Variants in ABLIM2 observed in about 807,000 individuals in gnomAD.
ABLIM2 encodes the protein actin-binding LIM protein 2.
In ABLIM2, 53 loss-of-function variants were observed where a neutral mutation model predicts 97.7. The observed-to-expected ratio is 0.54, with a 90% CI of 0.44 to 0.68. The LOEUF (loss-of-function observed/expected upper bound fraction) is 0.68, where lower values mean the gene tolerates loss of function less well. ABLIM2 is among the 30% of genes least tolerant of loss of function. The probability of loss-of-function intolerance (pLI) is 0.00; values close to 1 mark genes in which losing one functional copy is unlikely to be tolerated. For synonymous variants in ABLIM2, 361 were observed against 345.8 expected (o/e 1.04, Z -0.49); for missense variants, 835 against 867.2 (o/e 0.96, Z 0.47).
chr4:8,088,174 A>T lies in ABLIM2; in HGVS notation c.449T>A (p.Leu150His), dbSNP rs1389302487. 1 of 1,505,534 alleles carries T rather than the reference A, an allele frequency of 6.6e-7. No individual in the cohort carries two copies. The highest frequency in any genetic ancestry group is 1.8e-5 in the Admixed American group (1 of 54,918). 93.3% of individuals were successfully genotyped at this position (1,505,534 alleles called of 1,614,324 possible). The stretch of plus-strand genomic sequence containing the variant: ...CCCACTCAGCGCCCACTTACTTCGG[A>T]GGCCCTGGGACAGGTGCGCGCTGCT... ...VGSSAHLSQGLRSCGGCGTEI... is the reference protein window; with the variant it reads ...VGSSAHLSQGHRSCGGCGTEI... Residue 150 changes from leucine (L) to histidine (H), a missense_variant, in exon 4 of 21, where the codon CTC (leucine) becomes CAC (histidine). Transcript: ENST00000447017.
chr4:8,154,855 A>G (rs879898421), intron 1 of ABLIM2, among the ~76,000 whole-genome samples: 6 of 152,236 alleles, frequency 3.9e-5, no homozygotes, highest in Non-Finnish European at 7.3e-5. Context: ...TCATGGACTT[A>G]CAGCTCCACA....
Position 8,113,617 on chromosome 4 carries a change from G to A in ABLIM2, c.11-6980C>T, listed in dbSNP as rs1375261778. Among the ~76,000 whole-genome samples the A allele has an allele frequency of 6.6e-6, 1 of 152,186 alleles. No individual in the cohort carries two copies. The highest frequency in any genetic ancestry group is 2.4e-5 in the African/African-American group (1 of 41,436). On this transcript the variant is annotated intron_variant, in intron 1 of 20. Coordinates refer to ENST00000447017, the MANE Select transcript of ABLIM2 (RefSeq NM_001130083.2). This position sits in a 1 kb window ranked among gnomAD's most constrained non-coding sequence, Gnocchi z 4.5. ...GGACCCCCTTGTGTACTCACACAGG[G>A]GAAAACTTGGGGTCCACCCATGGCA...
chr4:7,989,688 G>C (rs1290464550), intron 17 of ABLIM2, among the ~76,000 whole-genome samples: 1 of 152,028 alleles, frequency 6.6e-6, no homozygotes, highest in African/African-American at 2.4e-5. Flanking sequence ...TGCATCTTAT[G>C]ATAACACATC....
chr4:7,985,721 C>T (rs1213392131), intron 17 of ABLIM2, among the ~76,000 whole-genome samples: 3 of 152,184 alleles, frequency 2.0e-5, no homozygotes, highest in African/African-American at 7.2e-5. Flanking sequence ...CTAAGGGTGA[C>T]ACTCTGAGGG....
At chr4:8,135,897 T>G (rs943491757) in intron 1 of ABLIM2, among the ~76,000 whole-genome samples, 2 of 152,178 alleles carry the variant, frequency 1.3e-5, no homozygotes, top group African/African-American at 4.8e-5. Context: ...ATAAAGCAGC[T>G]CGTGGAAAGT....
At position 8,071,702 on chromosome 4, in the gene ABLIM2, C is replaced by T. The variant is rs566726363; in HGVS notation, c.675+5926G>A. On this transcript the variant is annotated intron_variant, in intron 6 of 20. Coordinates refer to ENST00000447017, the MANE Select transcript of ABLIM2 (RefSeq NM_001130083.2). This position sits in a 1 kb window ranked among gnomAD's most constrained non-coding sequence, Gnocchi z 6.2. The stretch of plus-strand genomic sequence containing the variant: ...TGCTCTGTCCCCAAAAACCCACCCA[C>T]CCGCAGCCCCTCCTGGCCCCTGTGA... 1,610 of 908,804 alleles carry T rather than the reference C, an allele frequency of 1.8e-3. 32 individuals carry two copies. The highest frequency in any genetic ancestry group is 2.0e-3 in the Non-Finnish European group (1,549 of 760,256). The allele number at this position is 908,804 out of a possible 1,614,324, so 56.3% of individuals were successfully genotyped here.
At chr4:8,134,184 G>A (rs891408353) in intron 1 of ABLIM2, among the ~76,000 whole-genome samples, 2 of 152,182 alleles carry the variant, frequency 1.3e-5, no homozygotes, top group African/African-American at 2.4e-5. Flanking sequence ...GATGTTGAGC[G>A]GCCATGAGGG....
intron 9 of ABLIM2, among the ~76,000 whole-genome samples, chr4:8,042,035 G>A (rs532158021): frequency 3.3e-4 from 51 of 152,340 alleles, no homozygotes; most frequent in African/African-American, 9.1e-4. Flanking sequence ...GCACCAAGCC[G>A]GATGCCAAGT....
chr4:8,035,236 C>T (rs564253750), intron 10 of ABLIM2, among the ~76,000 whole-genome samples: 2 of 152,148 alleles, frequency 1.3e-5, no homozygotes, highest in South Asian at 4.1e-4. Context: ...CAGGAGGGCA[C>T]CTGCTGGCCC....
intron 1 of ABLIM2, among the ~76,000 whole-genome samples, chr4:8,110,800 G>A (rs1212938270): frequency 6.6e-6 from 1 of 152,220 alleles, no homozygotes; most frequent in Non-Finnish European, 1.5e-5. Flanking sequence ...CTCTCGCGAT[G>A]GGAGATAGAC....
Position 8,106,651 on chromosome 4 carries a change from G to C in ABLIM2, c.11-14C>G, listed in dbSNP as rs774835131. ...GGGGCTGCGACACTGTTGGGAAAGA[G>C]AGAAGAGCAGCGTTCAAGGGTGGAT... On this transcript the variant is annotated splice_polypyrimidine_tract_variant and intron_variant, in intron 1 of 20. Coordinates refer to ENST00000447017, the MANE Select transcript of ABLIM2 (RefSeq NM_001130083.2). 3.1e-6 allele frequency: 5 copies of C among 1,597,336 alleles called. No individual in the cohort carries two copies. The highest frequency in any genetic ancestry group is 1.3e-5 in the African/African-American group (1 of 74,836).
intron 14 of ABLIM2, among the ~76,000 whole-genome samples, chr4:8,017,138 G>C (rs950008453): frequency 6.6e-6 from 1 of 152,164 alleles, no homozygotes; most frequent in Non-Finnish European, 1.5e-5. Flanking sequence ...TTCAGCCCTT[G>C]AGTAGATGAC....
intron 16 of ABLIM2, 108 bp downstream of exon 16, chr4:8,007,951 T>A: frequency 7.3e-6 from 11 of 1,504,910 alleles, no homozygotes; most frequent in Non-Finnish European, 9.8e-6. Flanking sequence ...TTTCATGCTT[T>A]TTAACAGGCA....
chr4:8,101,734 TC>T (rs1834756229), intron 2 of ABLIM2, among the ~76,000 whole-genome samples: 1 of 152,212 alleles, frequency 6.6e-6, no homozygotes, highest in Non-Finnish European at 1.5e-5. Flanking sequence ...GGGTGTGGCC[TC>T]ATCTTTTCAT....
intron 1 of ABLIM2, among the ~76,000 whole-genome samples, chr4:8,139,297 C>G (rs1850620591): frequency 6.6e-6 from 1 of 150,426 alleles, no homozygotes; most frequent in African/African-American, 2.5e-5. Context: ...AGAAAAGAAA[C>G]TATTATCAGA....
chr4:8,115,660 A>G (rs1420406541), intron 1 of ABLIM2, among the ~76,000 whole-genome samples: 2 of 152,190 alleles, frequency 1.3e-5, no homozygotes, highest in African/African-American at 4.8e-5. Flanking sequence ...GGCATGCTGC[A>G]TCTTCAAAGG....
In ABLIM2 at chr4:8,019,818, A is replaced by T. The variant is rs552051873; in HGVS notation, c.1370-147T>A. 6.6e-5 allele frequency: 52 copies of T among 783,752 alleles called. No individual in the cohort carries two copies. In the African/African-American group the frequency reaches 9.0e-4, roughly 14 times the overall value. The allele number at this position is 783,752 out of a possible 1,614,324, so 48.5% of individuals were successfully genotyped here. ...GGAACTGGCACCCAGCGAGCGACAG[A>T]CACCCAGGCCCCAGATCAAGCCTCC... On this transcript the variant is annotated intron_variant, in intron 13 of 20. Coordinates refer to ENST00000447017, the MANE Select transcript of ABLIM2 (RefSeq NM_001130083.2). The surrounding 1 kb of genome is among the most constrained non-coding windows in gnomAD (Gnocchi z 4.3).
chr4:8,031,179 C>T (rs189510283), intron 10 of ABLIM2, among the ~76,000 whole-genome samples: 3 of 152,222 alleles, frequency 2.0e-5, no homozygotes, highest in East Asian at 1.9e-4. Context: ...GGTCCTGTGA[C>T]CACCTCTGGA....
At chr4:8,055,197 G>A (rs544794285) in intron 7 of ABLIM2, among the ~76,000 whole-genome samples, 17 of 152,302 alleles carry the variant, frequency 1.1e-4, no homozygotes, top group Middle Eastern at 3.4e-3. Flanking sequence ...GCATTAGTGC[G>A]ATCCTTCTTG....
Sources: gnomAD v4.1 joint callset for allele counts (sites outside exome capture counted in the v4.1 genomes callset) on GRCh38, gnomAD v4.1.1 for gene constraint, Gnocchi (gnomAD v3.1) non-coding constraint, MANE v1.5 for transcripts, NCBI Gene and HGNC (gene_info 2026-07-23, HGNC 2026-07-21) for gene names.